Variants in USH2A observed in about 807,000 individuals in gnomAD.
The protein encoded by USH2A is usherin, also known as Usher syndrome 2A (autosomal recessive, mild).
In USH2A, 443 loss-of-function variants were observed where a neutral mutation model predicts 538.9. The ratio of observed to expected loss-of-function variants is 0.82; its 90% confidence interval spans 0.76 to 0.89. USH2A has a LOEUF of 0.89. Ranked by LOEUF, USH2A falls within the 40% of genes least tolerant of loss-of-function variation. USH2A has a pLI of 0.00. For missense variants in USH2A, 6,633 were observed against 6,324.8 expected (o/e 1.05, Z -1.65); for synonymous variants, 2,413 against 2,273.5 (o/e 1.06, Z -1.75).
At chr1:215,932,898 C>G (rs899249364) in intron 38 of USH2A, among the ~76,000 whole-genome samples, 1 of 151,968 alleles carries the variant, frequency 6.6e-6, no homozygotes, top group Non-Finnish European at 1.5e-5. Context: ...CTTTTACTGA[C>G]AGGTATATTC....
At chr1:216,174,315 T>C (rs2034330152) in intron 21 of USH2A, 1 of 977,230 alleles carries the variant, frequency 1.0e-6, no homozygotes, top group Admixed American at 6.2e-5. Flanking sequence ...TATCTTATAC[T>C]TTGTAAATTT....
intron 13 of USH2A, among the ~76,000 whole-genome samples, chr1:216,244,976 G>A (rs1205792690): frequency 1.3e-5 from 2 of 152,160 alleles, no homozygotes; most frequent in Admixed American, 6.5e-5. Flanking sequence ...AAAGAAGGAT[G>A]TATAAATCAT....
chr1:215,812,417 C>T (rs1662721862), intron 49 of USH2A, among the ~76,000 whole-genome samples: 1 of 152,210 alleles, frequency 6.6e-6, no homozygotes, highest in Non-Finnish European at 1.5e-5. Flanking sequence ...TCTATCTGTG[C>T]AATGGGCAAG....
intron 11 of USH2A, among the ~76,000 whole-genome samples, chr1:216,256,321 C>CT (rs201852377): frequency 0.14 from 17,325 of 125,458 alleles, 3,041 homozygotes; most frequent in African/African-American, 0.42. Context: ...TTCTTTTTTC[C>CT]TTTTTTTTTT....
chr1:215,791,108 T>C (rs372777631), intron 50 of USH2A, among the ~76,000 whole-genome samples: 1 of 152,198 alleles, frequency 6.6e-6, no homozygotes, highest in South Asian at 2.1e-4. Flanking sequence ...CATTTAGATA[T>C]TGCCATCAAA....
intron 61 of USH2A, among the ~76,000 whole-genome samples, chr1:215,688,978 A>G (rs1348147716): frequency 6.6e-6 from 1 of 151,902 alleles, no homozygotes. Context: ...AATTAAGGGG[A>G]TAGATTTATA....
At chr1:215,698,981 A>T (rs1158325847) in intron 61 of USH2A, among the ~76,000 whole-genome samples, 1 of 151,818 alleles carries the variant, frequency 6.6e-6, no homozygotes, top group African/African-American at 2.4e-5. Flanking sequence ...TCTTTAATCC[A>T]TCTTAATTTT....
At chr1:216,181,858 TAC>T (rs2034500093) in intron 20 of USH2A, among the ~76,000 whole-genome samples, 1 of 152,118 alleles carries the variant, frequency 6.6e-6, no homozygotes, top group African/African-American at 2.4e-5. Context: ...ATAAATGTAC[TAC>T]AGTTACAGTT....
At chr1:216,176,744 C>T (rs569919579) in intron 20 of USH2A, among the ~76,000 whole-genome samples, 3 of 152,100 alleles carry the variant, frequency 2.0e-5, no homozygotes, top group South Asian at 2.1e-4. Context: ...CAGGTAACTA[C>T]TCATCTCCGT....
At chr1:215,968,896 T>C (rs17583160) in intron 36 of USH2A, among the ~76,000 whole-genome samples, 6,703 of 152,288 alleles carry the variant, frequency 0.044, 182 homozygotes, top group Admixed American at 0.066. Context: ...CATCATAATT[T>C]AATGATAGAA....
chr1:215,736,034 G>T (rs534744657), intron 60 of USH2A, among the ~76,000 whole-genome samples: 1 of 152,178 alleles, frequency 6.6e-6, no homozygotes, highest in East Asian at 1.9e-4. Flanking sequence ...ACTTGCCTAA[G>T]GTCATATAAC....
Position 215,674,145 on chromosome 1 carries a change from A to C in USH2A, c.13766T>G (p.Phe4589Cys). 1.2e-6 allele frequency: 2 copies of C among 1,614,160 alleles called. No homozygotes were observed. The highest frequency in any genetic ancestry group is 2.2e-5 in the South Asian group (2 of 91,080). ...IIHINTTHNS[F>C]GMQSYIVNQL... ...GTTTACTATATATGACTGCATACCAAAAGAATTATGAGTTGTGTTTATGTG... is the reference window on the plus strand; with the variant it reads ...GTTTACTATATATGACTGCATACCACAAGAATTATGAGTTGTGTTTATGTG... The change falls in exon 63 of 72, where the codon TTT (phenylalanine) becomes TGT (cysteine). Residue 4589 changes from phenylalanine (F) to cysteine (C), a missense_variant. Physicochemically the swap from Phe to Cys is radical, Grantham distance 205. Transcript: ENST00000307340.
intron 21 of USH2A, among the ~76,000 whole-genome samples, chr1:216,130,899 G>A (rs1448095053): frequency 6.6e-6 from 1 of 151,754 alleles, no homozygotes; most frequent in African/African-American, 2.4e-5. Flanking sequence ...TTTCCATAGT[G>A]GTTGTACTAG....
At chr1:216,244,562 A>G (rs562802276) in intron 13 of USH2A, among the ~76,000 whole-genome samples, 1 of 152,288 alleles carries the variant, frequency 6.6e-6, no homozygotes, top group Non-Finnish European at 1.5e-5. Context: ...CCACAAAGAT[A>G]AAGGAAAGAG....
chr1:216,303,695 T>A (rs1389431215), intron 9 of USH2A, among the ~76,000 whole-genome samples: 1 of 152,000 alleles, frequency 6.6e-6, no homozygotes, highest in Non-Finnish European at 1.5e-5. Flanking sequence ...AATCATTTGT[T>A]TGCACTGAAG....
chr1:215,728,896 G>A (rs1415758875), intron 60 of USH2A, among the ~76,000 whole-genome samples: 4 of 152,000 alleles, frequency 2.6e-5, no homozygotes, highest in South Asian at 4.2e-4. Flanking sequence ...CAGTTATATC[G>A]GGGTTTTATT....
intron 37 of USH2A, among the ~76,000 whole-genome samples, chr1:215,965,088 T>C (rs1360952678): frequency 6.6e-6 from 1 of 152,106 alleles, no homozygotes; most frequent in African/African-American, 2.4e-5. Flanking sequence ...GGGCAGAAGC[T>C]CTACAACGTA....
intron 61 of USH2A, among the ~76,000 whole-genome samples, chr1:215,697,772 C>T (rs911381818): frequency 6.6e-6 from 1 of 152,176 alleles, no homozygotes; most frequent in East Asian, 1.9e-4. Flanking sequence ...CTGCCCACTT[C>T]GGACTCCCAA....
chr1:216,083,776 G>T (rs1214162586), intron 25 of USH2A, among the ~76,000 whole-genome samples, 190 bp from the exon 26 acceptor site: 2 of 152,028 alleles, frequency 1.3e-5, no homozygotes, highest in African/African-American at 2.4e-5. Context: ...TACTAAGAAA[G>T]ACTTTGATAT....
Sources: allele counts gnomAD v4.1 joint callset (sites outside exome capture counted in the v4.1 genomes callset), GRCh38; gene constraint gnomAD v4.1.1; transcripts MANE v1.5; gene names NCBI Gene and HGNC (gene_info 2026-07-23, HGNC 2026-07-21).